STX3: variants seen among roughly 807,000 people sequenced by gnomAD.
The protein encoded by STX3 is syntaxin 3, also known as syntaxin-3.
A neutral mutation model predicts 40.2 loss-of-function variants in STX3; 19 were observed. That is an observed-to-expected ratio of 0.47 (90% CI 0.33 to 0.69). The LOEUF is 0.69. Among genes scored for constraint, STX3 ranks in the 30% least tolerant of loss-of-function variants. STX3 has a pLI of 0.02. For synonymous variants in STX3, 122 were observed against 132.2 expected (o/e 0.92, Z 0.53); for missense variants, 364 against 366.7 (o/e 0.99, Z 0.06).
chr11:59,787,062 A>G lies in STX3; in HGVS notation c.140A>G (p.Asp47Gly), dbSNP rs371596190. The change falls in exon 3 of 11, where the codon GAC (aspartate) becomes GGC (glycine). Residue 47 changes from aspartate (D) to glycine (G), a missense_variant. Physicochemically the swap from Asp to Gly is moderately conservative, Grantham distance 94. Coordinates refer to ENST00000337979, the MANE Select transcript of STX3 (RefSeq NM_004177.5). ...ATTGAGGAAACTCGGCTTAACATTGACAAGATCTCAGAACATGTAGAGGAG... is the reference window on the plus strand; with the variant it reads ...ATTGAGGAAACTCGGCTTAACATTGGCAAGATCTCAGAACATGTAGAGGAG... ...SEIEETRLNI[D>G]KISEHVEEAK... 84 of 1,614,056 alleles carry G rather than the reference A, an allele frequency of 5.2e-5. 1 individual carries two copies. The highest frequency in any genetic ancestry group is 1.6e-4 in the Middle Eastern group (1 of 6,084).
chr11:59,786,384 C>T (rs1377769861), intron 2 of STX3, among the ~76,000 whole-genome samples: 25 of 150,664 alleles, frequency 1.7e-4, no homozygotes, highest in Admixed American at 1.5e-3. Flanking sequence ...GTACTACAGG[C>T]GCCCACCATC....
intron 1 of STX3, among the ~76,000 whole-genome samples, chr11:59,766,504 C>T (rs1284334435): frequency 6.6e-6 from 1 of 152,210 alleles, no homozygotes; most frequent in Non-Finnish European, 1.5e-5. Flanking sequence ...TACGTCCCCC[C>T]ATTGGCTCCC....
intron 10 of STX3, among the ~76,000 whole-genome samples, chr11:59,798,483 C>T (rs1865666572): frequency 6.6e-6 from 1 of 152,166 alleles, no homozygotes; most frequent in Non-Finnish European, 1.5e-5. Flanking sequence ...GCGTGAGCCA[C>T]TGCGCCCGGC....
chr11:59,770,378 G>C (rs1863540474), intron 1 of STX3, among the ~76,000 whole-genome samples: 2 of 151,138 alleles, frequency 1.3e-5, no homozygotes, highest in African/African-American at 4.9e-5. Flanking sequence ...TGTATGTATA[G>C]GGTGTGTGTG....
At chr11:59,766,532 G>C (rs1243164448) in intron 1 of STX3, among the ~76,000 whole-genome samples, 1 of 152,172 alleles carries the variant, frequency 6.6e-6, no homozygotes, top group African/African-American at 2.4e-5. Flanking sequence ...TGAGTACCCT[G>C]AGTGGGGTTT....
At chr11:59,768,980 T>C (rs564262963) in intron 1 of STX3, among the ~76,000 whole-genome samples, 4 of 152,306 alleles carry the variant, frequency 2.6e-5, no homozygotes, top group East Asian at 1.9e-4. Context: ...GGGCTTTTAG[T>C]GTATCCATCA....
chr11:59,761,678 A>G (rs925333251), intron 1 of STX3, among the ~76,000 whole-genome samples: 4 of 152,086 alleles, frequency 2.6e-5, no homozygotes, highest in Admixed American at 2.6e-4. Flanking sequence ...TTGGCATTGG[A>G]CCATTTCCAT....
In STX3 at chr11:59,801,559, T is replaced by C. The variant is rs1454488046; in HGVS notation, c.*735T>C. The C allele has an allele frequency of 2.0e-6, 2 of 985,356 alleles. No individual in the cohort carries two copies. Among genetic ancestry groups the C allele is most frequent in the Non-Finnish European group, 2.4e-6 (2 of 829,952 alleles). The allele number at this position is 985,356 out of a possible 1,614,324, so 61.0% of individuals were successfully genotyped here. ...AAAGGCTGACGGTATGGAATATGTTTCCATGTCTGAGTCTTAGAAACTGGC... is the reference window on the plus strand; with the variant it reads ...AAAGGCTGACGGTATGGAATATGTTCCCATGTCTGAGTCTTAGAAACTGGC... On this transcript the variant is annotated 3_prime_UTR_variant, in exon 11 of 11. Transcript: ENST00000337979.
In STX3 at chr11:59,788,895, G is replaced by C. The variant is rs748087186; in HGVS notation, c.237G>C (p.Gln79His). 6.2e-7 allele frequency: 1 copy of C among 1,612,586 alleles called. No individual in the cohort carries two copies. Among genetic ancestry groups the C allele is most frequent in the Admixed American group, 1.7e-5 (1 of 59,750 alleles). ...PEPKTKDDLE[Q>H]LTTEIKKRAN... ...CAGAAACCAAGGATGACCTAGAGCA[G>C]CTCACGACTGAGATTAAGAAAAGGG... Residue 79 changes from glutamine (Q) to histidine (H), a missense_variant, in exon 4 of 11, where the codon CAG becomes CAC. Coordinates refer to ENST00000337979, the MANE Select transcript of STX3 (RefSeq NM_004177.5).
chr11:59,795,688 C>T (rs1458863354), intron 9 of STX3: 6 of 1,536,842 alleles, frequency 3.9e-6, no homozygotes, highest in Non-Finnish European at 3.5e-6. Context: ...AAAAGGCTGT[C>T]AAGTATCAGA....
At chr11:59,785,767 A>G (rs1466974240) in intron 2 of STX3, among the ~76,000 whole-genome samples, 1 of 152,202 alleles carries the variant, frequency 6.6e-6, no homozygotes, top group African/African-American at 2.4e-5. Context: ...TTAGGATCCT[A>G]CTGTATGACA....
At position 59,800,903 on chromosome 11, in the gene STX3, G is replaced by C. The variant is rs1368636740; in HGVS notation, c.*79G>C. ...TGTGGCCACCCTTGTCTTCAGATGA[G>C]AATGGAGTCTGAATGGCCTTCCTGA... On this transcript the variant is annotated 3_prime_UTR_variant, in exon 11 of 11. Transcript: ENST00000337979. 1 of 1,536,272 alleles carries C rather than the reference G, an allele frequency of 6.5e-7. No individual in the cohort carries two copies.
intron 10 of STX3, among the ~76,000 whole-genome samples, chr11:59,797,700 C>T (rs571953527): frequency 6.6e-6 from 1 of 152,340 alleles, no homozygotes; most frequent in East Asian, 1.9e-4. Flanking sequence ...ACTCAGGAAG[C>T]ATGCTTCTAA....
rs1865958791 is a variant in STX3, at chr11:59,803,143, C to G, written c.*2319C>G. On this transcript the variant is annotated 3_prime_UTR_variant, in exon 11 of 11. Transcript: ENST00000337979. ...TCACACCCTCTTCCATGTCCACATG[C>G]ACTTATCTCCCTGCAGAATACTTTT... 1 of 1,230,758 alleles carries G rather than the reference C, an allele frequency of 8.1e-7. No homozygotes were observed. The highest frequency in any genetic ancestry group is 1.6e-5 in the African/African-American group (1 of 64,392). The allele number at this position is 1,230,758 out of a possible 1,614,324, so 76.2% of individuals were successfully genotyped here. A position where few individuals can be genotyped will look rare whatever the true frequency, so the allele number is the denominator to read the frequency against.
chr11:59,763,648 T>C (rs933711339), intron 1 of STX3, among the ~76,000 whole-genome samples: 6 of 152,228 alleles, frequency 3.9e-5, no homozygotes, highest in Non-Finnish European at 8.8e-5. Flanking sequence ...CTAATCCATA[T>C]TGGAAATGTA....
intron 8 of STX3, among the ~76,000 whole-genome samples, chr11:59,794,930 C>T (rs1333181621): frequency 6.6e-6 from 1 of 152,204 alleles, no homozygotes; most frequent in Non-Finnish European, 1.5e-5. Flanking sequence ...AGTGAATATA[C>T]TCAATTCAGG....
intron 8 of STX3, 69 bp from the exon 9 acceptor site, chr11:59,795,303 C>G: frequency 7.8e-7 from 1 of 1,280,328 alleles, no homozygotes; most frequent in Non-Finnish European, 1.1e-6. Context: ...GAAAGAGAAT[C>G]CCTTCCCCGC....
At chr11:59,770,950 C>T (rs184257279) in intron 1 of STX3, among the ~76,000 whole-genome samples, 62 of 152,180 alleles carry the variant, frequency 4.1e-4, no homozygotes, top group African/African-American at 1.5e-3. Context: ...CTGGGAATTT[C>T]ATGGACATCT....
chr11:59,788,986 C>T (rs770188217), intron 4 of STX3, 39 bp downstream of exon 4: 6 of 1,557,356 alleles, frequency 3.9e-6, no homozygotes, highest in Non-Finnish European at 5.3e-6. Flanking sequence ...GTCCCCACCA[C>T]CATCTATCTC....
Sources: allele counts gnomAD v4.1 joint callset (sites outside exome capture counted in the v4.1 genomes callset), GRCh38; gene constraint gnomAD v4.1.1; transcripts MANE v1.5; gene names NCBI Gene and HGNC (gene_info 2026-07-23, HGNC 2026-07-21).